Variants in GABRB1 observed in about 807,000 individuals in gnomAD.
The protein encoded by GABRB1 is gamma-aminobutyric acid receptor subunit beta-1.
A neutral mutation model predicts 51.6 loss-of-function variants in GABRB1; 17 were observed. That is an observed-to-expected ratio of 0.33 (90% CI 0.23 to 0.49). The LOEUF (loss-of-function observed/expected upper bound fraction) is 0.49. Ranked by LOEUF, GABRB1 falls within the 20% of genes least tolerant of loss-of-function variation. The pLI is 0.99. For missense variants in GABRB1, 410 were observed against 600.6 expected (o/e 0.68, Z 3.32); for synonymous variants, 247 against 218.9 (o/e 1.13, Z -1.14).
chr4:47,288,861 C>G (rs771413338), intron 4 of GABRB1, among the ~76,000 whole-genome samples: 1 of 152,184 alleles, frequency 6.6e-6, no homozygotes, highest in Non-Finnish European at 1.5e-5. Context: ...TGGAGACAAG[C>G]GGTCTACCCA....
chr4:47,007,059 G>C (rs535610860), intron 1 of GABRB1, among the ~76,000 whole-genome samples: 1 of 152,008 alleles, frequency 6.6e-6, no homozygotes, highest in Non-Finnish European at 1.5e-5. Flanking sequence ...AGGATTGCTT[G>C]AGCCTAGGAG....
intron 4 of GABRB1, among the ~76,000 whole-genome samples, chr4:47,232,907 C>G (rs111491457): frequency 6.7e-6 from 1 of 148,626 alleles, no homozygotes; most frequent in African/African-American, 2.5e-5. Flanking sequence ...CGTAGTCTCA[C>G]TCTGTCACCC....
intron 7 of GABRB1, among the ~76,000 whole-genome samples, chr4:47,405,639 A>G (rs1381008586): frequency 6.6e-6 from 1 of 152,192 alleles, no homozygotes; most frequent in Non-Finnish European, 1.5e-5. Context: ...ATAAAATGAG[A>G]ATAATATACA....
intron 7 of GABRB1, among the ~76,000 whole-genome samples, chr4:47,404,578 T>G (rs2110052892): frequency 6.6e-6 from 1 of 152,070 alleles, no homozygotes; most frequent in Middle Eastern, 3.4e-3. Flanking sequence ...TCGGAGACTG[T>G]TAAGCTGGAC....
At chr4:47,419,927 G>A (rs1729044218) in intron 8 of GABRB1, among the ~76,000 whole-genome samples, 1 of 152,170 alleles carries the variant, frequency 6.6e-6, no homozygotes, top group Non-Finnish European at 1.5e-5. Context: ...TGAAGTGGAA[G>A]AGGAAGCGTT....
intron 4 of GABRB1, among the ~76,000 whole-genome samples, chr4:47,245,607 T>C (rs552820077): frequency 1.3e-5 from 2 of 152,216 alleles, no homozygotes; most frequent in South Asian, 4.1e-4. Context: ...AATATGGCAC[T>C]GCTCCATGAA....
chr4:47,264,871 T>C (rs755622752), intron 4 of GABRB1, among the ~76,000 whole-genome samples: 3 of 152,208 alleles, frequency 2.0e-5, no homozygotes, highest in Non-Finnish European at 2.9e-5. Flanking sequence ...TATAAATGAG[T>C]TTGCATTTTC....
chr4:47,129,683 G>A (rs775290686), intron 3 of GABRB1, among the ~76,000 whole-genome samples: 2 of 152,180 alleles, frequency 1.3e-5, no homozygotes, highest in Non-Finnish European at 2.9e-5. Context: ...TTAGAAATCA[G>A]TGAAGGCTTC....
intron 5 of GABRB1, among the ~76,000 whole-genome samples, chr4:47,381,298 C>T (rs989398447): frequency 1.3e-5 from 2 of 152,162 alleles, no homozygotes; most frequent in South Asian, 2.1e-4. Context: ...CCTCACTCCA[C>T]TGGTGACTGG....
intron 5 of GABRB1, among the ~76,000 whole-genome samples, chr4:47,361,456 G>C (rs1156509612): frequency 1.3e-5 from 2 of 152,118 alleles, no homozygotes; most frequent in Non-Finnish European, 2.9e-5. Context: ...GGAGCCTGCA[G>C]GAGTTGAGGT....
At chr4:47,216,467 C>T (rs1720558567) in intron 4 of GABRB1, among the ~76,000 whole-genome samples, 1 of 151,836 alleles carries the variant, frequency 6.6e-6, no homozygotes, top group African/African-American at 2.4e-5. Context: ...GCAAGGGAAC[C>T]ACTTTGAACC....
intron 3 of GABRB1, among the ~76,000 whole-genome samples, chr4:47,098,326 G>C (rs1452070913): frequency 1.3e-5 from 2 of 152,032 alleles, no homozygotes; most frequent in South Asian, 2.1e-4. Context: ...ACTCTGGGGG[G>C]TTATTGATTC....
At chr4:47,348,232 C>CA (rs1322269875) in intron 5 of GABRB1, among the ~76,000 whole-genome samples, 3 of 152,104 alleles carry the variant, frequency 2.0e-5, no homozygotes, top group African/African-American at 7.2e-5. Flanking sequence ...ACCCTGAACA[C>CA]ATTATTTTTA....
At chr4:47,102,055 G>A (rs1456231548) in intron 3 of GABRB1, among the ~76,000 whole-genome samples, 1 of 151,962 alleles carries the variant, frequency 6.6e-6, no homozygotes, top group Non-Finnish European at 1.5e-5. Context: ...TTTGACTTTA[G>A]AAACTGAAAA....
intron 4 of GABRB1, among the ~76,000 whole-genome samples, chr4:47,164,473 A>T (rs112105295): frequency 1.0e-3 from 155 of 152,170 alleles, no homozygotes; most frequent in African/African-American, 3.3e-3. Context: ...AGTAATTAAG[A>T]GAATCAAACT....
At chr4:47,281,675 A>G (rs1723298872) in intron 4 of GABRB1, among the ~76,000 whole-genome samples, 1 of 152,226 alleles carries the variant, frequency 6.6e-6, no homozygotes, top group Admixed American at 6.5e-5. Context: ...ATGGATAAAC[A>G]AAAGGTGGTA....
At chr4:47,122,287 T>C (rs1470133095) in intron 3 of GABRB1, among the ~76,000 whole-genome samples, 1 of 152,212 alleles carries the variant, frequency 6.6e-6, no homozygotes, top group Non-Finnish European at 1.5e-5. Context: ...GAATTTGTTC[T>C]GGGTGAAATA....
intron 1 of GABRB1, among the ~76,000 whole-genome samples, chr4:46,998,308 CA>C: frequency 6.6e-6 from 1 of 152,190 alleles, no homozygotes; most frequent in South Asian, 2.1e-4. Flanking sequence ...TTTCTGAGAT[CA>C]AGTTGGACAT....
chr4:47,380,911 T>C (rs1211253429), intron 5 of GABRB1, among the ~76,000 whole-genome samples: 1 of 152,178 alleles, frequency 6.6e-6, no homozygotes, highest in African/African-American at 2.4e-5. Context: ...GACTCTATGG[T>C]TCAGTCTGAT....
Sources: gnomAD v4.1 joint callset for allele counts (sites outside exome capture counted in the v4.1 genomes callset) on GRCh38, gnomAD v4.1.1 for gene constraint, MANE v1.5 for transcripts, NCBI Gene and HGNC (gene_info 2026-07-23, HGNC 2026-07-21) for gene names.